The following AGBL1 variants were observed in gnomAD, a reference collection of about 807,000 sequenced individuals.
AGBL1 encodes the protein AGBL carboxypeptidase 1, also known as cytosolic carboxypeptidase 4.
Under a neutral mutation model 118.9 loss-of-function variants are expected in AGBL1, and 130 were observed. The observed-to-expected ratio is 1.09, with a 90% confidence interval of 0.95 to 1.26. AGBL1 has a LOEUF of 1.26. Among genes scored for constraint, AGBL1 ranks in the 50% most tolerant of loss-of-function variants. AGBL1 has a pLI of 0.00. For missense variants in AGBL1, 1,584 were observed against 1,298.1 expected, an observed-to-expected ratio of 1.22 and a Z score of -3.38; for synonymous variants, 555 against 478.9, an observed-to-expected ratio of 1.16 and a Z score of -2.08.
At chr15:86,866,117 C>G (rs2079625342) in intron 22 of AGBL1, among the ~76,000 whole-genome samples, 1 of 152,158 alleles carries the variant, frequency 6.6e-6, no homozygotes, top group South Asian at 2.1e-4. Flanking sequence ...TCTCAAACCA[C>G]AATTTCCTTT....
intron 5 of AGBL1, among the ~76,000 whole-genome samples, chr15:86,205,328 A>G (rs1723885612): frequency 1.3e-5 from 2 of 152,354 alleles, no homozygotes; most frequent in South Asian, 4.1e-4. Context: ...GTCAGGATGT[A>G]GCAAAGTTTA....
intron 22 of AGBL1, among the ~76,000 whole-genome samples, chr15:86,802,084 C>T (rs139964999): frequency 0.011 from 1,614 of 152,114 alleles, 23 homozygotes; most frequent in Middle Eastern, 0.061. Flanking sequence ...TTTAAATTTG[C>T]CGAGTTCTTT....
chr15:86,228,202 A>G (rs2078398028), intron 6 of AGBL1, among the ~76,000 whole-genome samples: 1 of 152,180 alleles, frequency 6.6e-6, no homozygotes, highest in African/African-American at 2.4e-5. Flanking sequence ...GATGTGGAAT[A>G]TCTTTCGACT....
intron 21 of AGBL1, among the ~76,000 whole-genome samples, chr15:86,579,559 T>C (rs1252547666): frequency 7.9e-5 from 12 of 152,154 alleles, no homozygotes. Flanking sequence ...TGGGCACTTA[T>C]TGGGGAATTG....
In AGBL1 at chr15:86,393,132, C is replaced by T. The variant is rs559684124; in HGVS notation, c.2375-4234C>T. ...TGCTTATGTCTTCATGAGAATCCAT[C>T]GTTGTCCCCATTTGCTTCTTCAGGA... is the stretch of plus-strand genomic sequence containing the variant. On this transcript the variant is annotated intron_variant, in intron 17 of 22. Transcript: ENST00000614907. 2.6e-4 allele frequency among the ~76,000 whole-genome samples: 40 copies of T among 152,280 alleles called. 1 individual carries two copies. Among genetic ancestry groups the T allele is most frequent in the Non-Finnish European group, 4.9e-4 (33 of 68,002 alleles).
chr15:86,870,454 CAA>C (rs770556494), intron 22 of AGBL1, among the ~76,000 whole-genome samples: 2 of 64,112 alleles, frequency 3.1e-5, no homozygotes, highest in Non-Finnish European at 5.5e-5. Context: ...AAGCATACTG[CAA>C]AAAAAAAAAA....
At chr15:86,681,979 T>C (rs1420079758) in intron 22 of AGBL1, among the ~76,000 whole-genome samples, 1 of 152,196 alleles carries the variant, frequency 6.6e-6, no homozygotes, top group Non-Finnish European at 1.5e-5. Flanking sequence ...CTTAGTAGAA[T>C]CTTCAGTTTC....
intron 23 of AGBL1, among the ~76,000 whole-genome samples, chr15:86,958,453 G>C (rs2080956540): frequency 6.6e-6 from 1 of 151,910 alleles, no homozygotes; most frequent in Non-Finnish European, 1.5e-5. Flanking sequence ...TAATTATAAA[G>C]AAAAAGAAAC....
intron 18 of AGBL1, among the ~76,000 whole-genome samples, chr15:86,507,102 A>T (rs2082986967): frequency 6.6e-6 from 1 of 152,072 alleles, no homozygotes; most frequent in Admixed American, 6.6e-5. Context: ...AAATAAAAAG[A>T]CGCAGCCAAG....
downstream of AGBL1, among the ~76,000 whole-genome samples, chr15:86,921,085 T>C (rs2080477568): frequency 1.3e-5 from 2 of 152,200 alleles, no homozygotes; most frequent in African/African-American, 2.4e-5. Flanking sequence ...GCAGAGGTTA[T>C]AGGCAAAGTC....
At chr15:86,474,409 T>C (rs1334096288) in intron 18 of AGBL1, among the ~76,000 whole-genome samples, 1 of 152,196 alleles carries the variant, frequency 6.6e-6, no homozygotes, top group African/African-American at 2.4e-5. Flanking sequence ...TCTTAGCAAG[T>C]GGCACACCAG....
intron 18 of AGBL1, among the ~76,000 whole-genome samples, chr15:86,439,047 C>T (rs758167730): frequency 5.9e-5 from 9 of 152,020 alleles, no homozygotes; most frequent in Admixed American, 2.0e-4. Context: ...ATCTTGTTTG[C>T]GGGTGGCAAA....
At position 86,609,087 on chromosome 15, in the gene AGBL1, T is replaced by C. The variant is rs560200134; in HGVS notation, c.2994+54550T>C. Among the ~76,000 whole-genome samples, 15 of 152,302 alleles carry C rather than the reference T, an allele frequency of 9.8e-5. No homozygotes were observed. The South Asian group carries it at 1.9e-3, about 19-fold the overall frequency. ...GCTAAACTGTGCGGGTTGGCTCTTG[T>C]GAATGCATATTACACTCCCTTTCTA... On this transcript the variant is annotated intron_variant, in intron 21 of 22. Coordinates refer to ENST00000614907, the MANE Select transcript of AGBL1 (RefSeq NM_001386094.1).
intron 5 of AGBL1, among the ~76,000 whole-genome samples, chr15:86,166,752 G>A (rs1192561649): frequency 1.3e-5 from 2 of 152,124 alleles, no homozygotes; most frequent in African/African-American, 2.4e-5. Context: ...ATGACATGCT[G>A]GACAGTGAGA....
intron 22 of AGBL1, among the ~76,000 whole-genome samples, chr15:86,774,590 C>T (rs1310545379): frequency 2.5e-5 from 3 of 117,734 alleles, no homozygotes; most frequent in African/African-American, 8.4e-5. Flanking sequence ...AGGTAGCTCT[C>T]AGGGCAGGAA....
intron 23 of AGBL1, among the ~76,000 whole-genome samples, chr15:86,931,558 T>G (rs190653698): frequency 1.3e-5 from 2 of 149,322 alleles, no homozygotes; most frequent in East Asian, 4.0e-4. Flanking sequence ...AAATGAATAG[T>G]GGTGCTTTTG....
At chr15:86,619,652 T>C in intron 21 of AGBL1, among the ~76,000 whole-genome samples, 1 of 152,106 alleles carries the variant, frequency 6.6e-6, no homozygotes, top group East Asian at 1.9e-4. Context: ...CTCATCCTTT[T>C]GGCCTCTGAT....
chr15:86,781,125 T>A lies in AGBL1; in HGVS notation c.3158+106689T>A, dbSNP rs190919076. On this transcript the variant is annotated intron_variant, in intron 22 of 22. Transcript: ENST00000614907. ...TTTGTTAATTCTGTATTATGTTCAT[T>A]TCTCTTTGAAATAACATAGAGATGA... Among the ~76,000 whole-genome samples the A allele has an allele frequency of 1.1e-3, 167 of 152,286 alleles. 1 individual carries two copies. The highest frequency in any genetic ancestry group is 3.9e-3 in the African/African-American group (162 of 41,548).
chr15:86,841,598 C>T (rs962398239), intron 22 of AGBL1, among the ~76,000 whole-genome samples: 2 of 152,152 alleles, frequency 1.3e-5, no homozygotes, highest in Admixed American at 1.3e-4. Flanking sequence ...ATAATCCCAG[C>T]ACTTTTGGAG....
Sources: allele counts gnomAD v4.1 joint callset (sites outside exome capture counted in the v4.1 genomes callset), GRCh38; gene constraint gnomAD v4.1.1; transcripts MANE v1.5; gene names NCBI Gene and HGNC (gene_info 2026-07-23, HGNC 2026-07-21).